PTPRD: variants seen among roughly 807,000 people sequenced by gnomAD.
PTPRD encodes the protein protein tyrosine phosphatase receptor type D.
A neutral mutation model predicts 214.5 loss-of-function variants in PTPRD; 34 were observed. The observed-to-expected ratio is 0.16, with a 90% CI of 0.12 to 0.21. The LOEUF is 0.21. Among genes scored for constraint, PTPRD ranks in the 10% least tolerant of loss-of-function variants. PTPRD has a pLI of 1.00. For synonymous variants in PTPRD, 1,128 were observed against 845.7 expected, an observed-to-expected ratio of 1.33 and a Z score of -5.79; for missense variants, 2,545 against 2,398.7, an observed-to-expected ratio of 1.06 and a Z score of -1.27.
chr9:9,394,236 G>A (rs10977718), intron 9 of PTPRD, among the ~76,000 whole-genome samples: 39,739 of 151,902 alleles, frequency 0.26, 5,297 homozygotes, highest in Middle Eastern at 0.3. Flanking sequence ...CTGTGTCTTC[G>A]TGTCATTAAT....
intron 44 of PTPRD, among the ~76,000 whole-genome samples, chr9:8,330,959 A>C (rs1169577469): frequency 6.6e-6 from 1 of 151,396 alleles, no homozygotes; most frequent in East Asian, 1.9e-4. Context: ...AGCAACTTCC[A>C]AAAACACTAA....
chr9:10,330,480 T>G (rs546726836), intron 3 of PTPRD, among the ~76,000 whole-genome samples: 1 of 151,978 alleles, frequency 6.6e-6, no homozygotes, highest in East Asian at 2.0e-4. Context: ...TTTTTGTTCC[T>G]TTTTCCATAT....
At chr9:8,462,047 G>A (rs1455159804) in intron 32 of PTPRD, among the ~76,000 whole-genome samples, 9 of 151,982 alleles carry the variant, frequency 5.9e-5, no homozygotes, top group Non-Finnish European at 1.2e-4. Flanking sequence ...CCTCCATGCA[G>A]AATCTGTCTC....
At chr9:8,557,382 C>T (rs1275560487) in intron 14 of PTPRD, among the ~76,000 whole-genome samples, 2 of 149,804 alleles carry the variant, frequency 1.3e-5, no homozygotes, top group African/African-American at 5.0e-5. Flanking sequence ...TAGTCCATTC[C>T]AATTTTGAAA....
chr9:8,336,569 G>A lies in PTPRD; in HGVS notation c.5379+2353C>T, dbSNP rs141490493. Among the ~76,000 whole-genome samples the A allele has an allele frequency of 2.5e-3, 368 of 148,234 alleles. 2 individuals are homozygous for A. The highest frequency in any genetic ancestry group is 7.1e-3 in the Middle Eastern group (2 of 282). ...TCAGGACTAAAACACCAAAAGCAAT[G>A]GCAACTAAAGCCAAAAGTGACAAAT... On this transcript the variant is annotated intron_variant, in intron 43 of 45. Coordinates refer to ENST00000381196, the MANE Select transcript of PTPRD (RefSeq NM_002839.4).
chr9:10,057,144 C>T lies in PTPRD; in HGVS notation c.-544-23354G>A, dbSNP rs569649073. Among the ~76,000 whole-genome samples the T allele has an allele frequency of 3.9e-5, 6 of 152,228 alleles. No homozygotes were observed. In the East Asian group the frequency reaches 7.7e-4, roughly 20 times the overall value. ...CTAAATTTTCCTGGATTTAATTTAT[C>T]ATTTCTGAGATGCTGTGGCTGTGAA... On this transcript the variant is annotated intron_variant, in intron 3 of 45. Transcript: ENST00000381196.
At chr9:10,126,553 ATGT>A (rs1158011988) in intron 3 of PTPRD, among the ~76,000 whole-genome samples, 1 of 152,056 alleles carries the variant, frequency 6.6e-6, no homozygotes, top group African/African-American at 2.4e-5. Context: ...GACCACATCA[ATGT>A]TGTTATAACT....
At chr9:10,309,340 G>GT (rs1320311328) in intron 3 of PTPRD, among the ~76,000 whole-genome samples, 3 of 151,094 alleles carry the variant, frequency 2.0e-5, no homozygotes, top group African/African-American at 4.9e-5. Flanking sequence ...TCTTCCTTTT[G>GT]TTTTTTTGTT....
intron 9 of PTPRD, among the ~76,000 whole-genome samples, chr9:9,203,507 T>C (rs987982709): frequency 1.2e-4 from 19 of 152,300 alleles, no homozygotes; most frequent in Admixed American, 7.8e-4. Context: ...TCTCCCTCTA[T>C]AAGTCATTAA....
intron 9 of PTPRD, among the ~76,000 whole-genome samples, chr9:9,187,082 A>G (rs1374694595): frequency 6.6e-6 from 1 of 151,688 alleles, no homozygotes; most frequent in Non-Finnish European, 1.5e-5. Context: ...TATTGCAATG[A>G]TTTTCACTCT....
At chr9:9,102,358 G>C (rs2099792556) in intron 10 of PTPRD, among the ~76,000 whole-genome samples, 2 of 152,320 alleles carry the variant, frequency 1.3e-5, no homozygotes, top group South Asian at 2.1e-4. Context: ...GAGTAGGGGT[G>C]ATGATCTAAA....
At chr9:8,319,434 G>A (rs1334448571) in intron 45 of PTPRD, among the ~76,000 whole-genome samples, 3 of 151,958 alleles carry the variant, frequency 2.0e-5, no homozygotes, top group Non-Finnish European at 2.9e-5. Context: ...TGATACCTCT[G>A]TAGGCATACA....
chr9:10,518,685 A>G (rs2050984635), intron 2 of PTPRD, among the ~76,000 whole-genome samples: 1 of 151,962 alleles, frequency 6.6e-6, no homozygotes, highest in Non-Finnish European at 1.5e-5. Flanking sequence ...GGCGCCCGCC[A>G]CCACACCCGG....
intron 42 of PTPRD, 21 bp from the exon 43 acceptor site, chr9:8,339,068 T>A (rs781125746): frequency 6.2e-7 from 1 of 1,605,482 alleles, no homozygotes; most frequent in South Asian, 1.1e-5. Context: ...AGAAGATTAA[T>A]GTTAAACTAT....
intron 14 of PTPRD, 84 bp from the exon 15 acceptor site, chr9:8,528,863 C>A: frequency 7.3e-7 from 1 of 1,360,822 alleles, no homozygotes; most frequent in South Asian, 1.3e-5. Context: ...TCTCTCTTTA[C>A]CTTACTCAGT....
At chr9:10,463,087 T>G (rs1008309352) in intron 2 of PTPRD, among the ~76,000 whole-genome samples, 1 of 151,684 alleles carries the variant, frequency 6.6e-6, no homozygotes. Context: ...TAAATTTTGA[T>G]GATGTATGTA....
chr9:9,244,687 A>C (rs1165738144), intron 9 of PTPRD, among the ~76,000 whole-genome samples: 1 of 152,150 alleles, frequency 6.6e-6, no homozygotes, highest in Non-Finnish European at 1.5e-5. Flanking sequence ...AAAACCCTAG[A>C]AGAAAACCTA....
At position 8,521,507 on chromosome 9, in the gene PTPRD, T is replaced by C. The variant is rs781546140; in HGVS notation, c.731A>G (p.Asn244Ser). 2 of 1,613,938 alleles carry C rather than the reference T, an allele frequency of 1.2e-6. No individual in the cohort carries two copies. The highest frequency in any genetic ancestry group is 2.2e-5 in the South Asian group (2 of 91,056). ...GCTTCCGCCTGGCATGATTTCATGA[T>C]TAGTGGGTGGGATAGAGAATCTTGG... Reference protein sequence around the residue: ...VPPRFSIPPTNHEIMPGGSVN... With the variant: ...VPPRFSIPPTSHEIMPGGSVN... Residue 244 changes from asparagine (N) to serine (S), a missense_variant, in exon 20 of 46, where the codon AAT becomes AGT. Physicochemically the swap from Asn to Ser is conservative, Grantham distance 46. Transcript: ENST00000381196.
At chr9:10,327,501 C>G (rs1403388102) in intron 3 of PTPRD, among the ~76,000 whole-genome samples, 1 of 151,442 alleles carries the variant, frequency 6.6e-6, no homozygotes, top group Non-Finnish European at 1.5e-5. Flanking sequence ...ATAAAAATAA[C>G]TACCAATTTT....
Sources: gnomAD v4.1 joint callset for allele counts (sites outside exome capture counted in the v4.1 genomes callset) on GRCh38, gnomAD v4.1.1 for gene constraint, MANE v1.5 for transcripts, NCBI Gene and HGNC (gene_info 2026-07-23, HGNC 2026-07-21) for gene names.